Variants in DPYD observed in about 807,000 individuals in gnomAD.
DPYD encodes the protein dihydropyrimidine dehydrogenase [NADP(+)].
A neutral mutation model predicts 116.2 loss-of-function variants in DPYD; 109 were observed. The ratio of observed to expected loss-of-function variants is 0.94; its 90% CI spans 0.80 to 1.10. The LOEUF is 1.10. DPYD is among the 50% of genes least tolerant of loss of function. The pLI, the probability that DPYD is intolerant of heterozygous loss-of-function variation, is 0.00. For missense variants in DPYD, 1,302 were observed against 1,254.5 expected (o/e 1.04, Z -0.57); for synonymous variants, 440 against 432.0 (o/e 1.02, Z -0.23).
At chr1:97,625,311 A>G (rs944755198) in intron 8 of DPYD, among the ~76,000 whole-genome samples, 1 of 150,284 alleles carries the variant, frequency 6.7e-6, no homozygotes, top group Non-Finnish European at 1.5e-5. Context: ...GAAGGATTAC[A>G]TGTAAGAAGA....
intron 3 of DPYD, among the ~76,000 whole-genome samples, chr1:97,794,366 C>G (rs1667465170): frequency 6.6e-6 from 1 of 151,568 alleles, no homozygotes; most frequent in Non-Finnish European, 1.5e-5. Flanking sequence ...ATAACAGAAA[C>G]AAGCCGACCA....
chr1:97,659,918 T>C (rs1383965835), intron 8 of DPYD, among the ~76,000 whole-genome samples: 1 of 152,120 alleles, frequency 6.6e-6, no homozygotes, highest in Non-Finnish European at 1.5e-5. Flanking sequence ...CCAGTGCACA[T>C]AGCATAATAT....
At chr1:97,708,031 G>T (rs2018499678) in intron 5 of DPYD, among the ~76,000 whole-genome samples, 1 of 151,956 alleles carries the variant, frequency 6.6e-6, no homozygotes, top group Non-Finnish European at 1.5e-5. Flanking sequence ...TGAGATGAGA[G>T]TCTCACTATG....
chr1:97,548,040 G>C (rs1234857203), intron 12 of DPYD, among the ~76,000 whole-genome samples: 1 of 152,166 alleles, frequency 6.6e-6, no homozygotes, highest in African/African-American at 2.4e-5. Flanking sequence ...AATGGTCATG[G>C]AAAAGAGGAA....
At chr1:97,789,245 T>C (rs1667195928) in intron 3 of DPYD, among the ~76,000 whole-genome samples, 1 of 152,204 alleles carries the variant, frequency 6.6e-6, no homozygotes, top group Admixed American at 6.5e-5. Flanking sequence ...ATTAATCTAC[T>C]AATTACCCAG....
At chr1:97,507,963 C>T (rs552706881) in intron 13 of DPYD, among the ~76,000 whole-genome samples, 7 of 152,070 alleles carry the variant, frequency 4.6e-5, no homozygotes, top group Non-Finnish European at 1.0e-4. Flanking sequence ...GAAGAGCTGT[C>T]ATGTGGAATT....
intron 2 of DPYD, among the ~76,000 whole-genome samples, chr1:97,839,335 C>T (rs1342441736): frequency 6.6e-6 from 1 of 152,152 alleles, no homozygotes; most frequent in East Asian, 1.9e-4. Flanking sequence ...CTGTCTCCAA[C>T]CTAACATCTA....
chr1:97,220,119 G>C (rs959245430), intron 19 of DPYD, among the ~76,000 whole-genome samples: 2 of 152,114 alleles, frequency 1.3e-5, no homozygotes, highest in African/African-American at 4.8e-5. Flanking sequence ...CTCCAATGTG[G>C]CAGTATTGAG....
chr1:97,545,508 C>T (rs1016001019), intron 12 of DPYD, among the ~76,000 whole-genome samples: 26 of 152,204 alleles, frequency 1.7e-4, no homozygotes, highest in African/African-American at 6.3e-4. Flanking sequence ...AAATGTTTGA[C>T]TTAAAAGCAG....
At chr1:97,300,665 T>C (rs1452250719) in intron 18 of DPYD, among the ~76,000 whole-genome samples, 2 of 152,060 alleles carry the variant, frequency 1.3e-5, no homozygotes, top group Non-Finnish European at 2.9e-5. Context: ...TACACAAATA[T>C]TCACTAATAA....
chr1:97,777,601 G>C (rs1666486184), intron 3 of DPYD, among the ~76,000 whole-genome samples: 1 of 152,066 alleles, frequency 6.6e-6, no homozygotes, highest in Non-Finnish European at 1.5e-5. Context: ...TTCTTATCTA[G>C]TTTTATTTTT....
intron 18 of DPYD, among the ~76,000 whole-genome samples, chr1:97,235,639 A>G (rs144398410): frequency 4.7e-4 from 72 of 152,248 alleles, no homozygotes; most frequent in African/African-American, 1.6e-3. Context: ...CAAACAAACA[A>G]ACAAAAAACA....
chr1:97,339,374 A>G (rs1669472807), intron 16 of DPYD, among the ~76,000 whole-genome samples: 1 of 152,192 alleles, frequency 6.6e-6, no homozygotes, highest in African/African-American at 2.4e-5. Flanking sequence ...AGACATAATC[A>G]GGGAAAATGT....
intron 2 of DPYD, among the ~76,000 whole-genome samples, chr1:97,851,784 C>G (rs1297676906): frequency 6.6e-6 from 1 of 151,472 alleles, no homozygotes; most frequent in East Asian, 1.9e-4. Flanking sequence ...TTATAATGCA[C>G]TATACATGAG....
rs1156851921 is a variant in DPYD, at chr1:97,234,841, A to G, written c.2442+11T>C. On this transcript the variant is annotated intron_variant, in intron 19 of 22. Transcript: ENST00000370192. ...AGATTTTTAAAAGGGACAGACAAAC[A>G]CAATGACTACCTGGAGGACGGAAGC... 3 of 1,613,816 alleles carry G rather than the reference A, an allele frequency of 1.9e-6. No individual in the cohort carries two copies. Among genetic ancestry groups the G allele is most frequent in the Admixed American group, 3.3e-5 (2 of 59,982 alleles).
intron 20 of DPYD, among the ~76,000 whole-genome samples, chr1:97,135,770 T>C (rs537637290): frequency 8.5e-5 from 13 of 152,302 alleles, no homozygotes; most frequent in South Asian, 4.1e-4. Context: ...AATAGCTAAA[T>C]TGATTGATTG....
At chr1:97,684,385 G>T (rs980609024) in intron 7 of DPYD, among the ~76,000 whole-genome samples, 1 of 152,040 alleles carries the variant, frequency 6.6e-6, no homozygotes, top group Admixed American at 6.6e-5. Flanking sequence ...TTGTGCTGTG[G>T]CCTAAGAGAC....
intron 11 of DPYD, among the ~76,000 whole-genome samples, chr1:97,570,295 C>G (rs1406088426): frequency 6.6e-6 from 1 of 151,806 alleles, no homozygotes; most frequent in Non-Finnish European, 1.5e-5. Flanking sequence ...TTATTGCAAC[C>G]AGAGACTTCT....
chr1:97,780,414 T>A (rs1666675545), intron 3 of DPYD, among the ~76,000 whole-genome samples: 1 of 152,180 alleles, frequency 6.6e-6, no homozygotes, highest in African/African-American at 2.4e-5. Flanking sequence ...AACAATAAAT[T>A]TTTTAAAAAG....
Sources: allele counts gnomAD v4.1 joint callset (sites outside exome capture counted in the v4.1 genomes callset), GRCh38; gene constraint gnomAD v4.1.1; transcripts MANE v1.5; gene names NCBI Gene and HGNC (gene_info 2026-07-23, HGNC 2026-07-21).